Variants in EPHA6 observed in about 807,000 individuals in gnomAD.
EPHA6 encodes the protein ephrin type-A receptor 6.
Under a neutral mutation model 112.0 loss-of-function variants are expected in EPHA6, and 50 were observed. The ratio of observed to expected loss-of-function variants is 0.45; its 90% CI spans 0.36 to 0.56. EPHA6 has a LOEUF of 0.56. EPHA6 is among the 20% of genes least tolerant of loss of function. EPHA6 has a pLI of 0.00. For missense variants in EPHA6, 1,280 were observed against 1,417.4 expected, an observed-to-expected ratio of 0.90 and a Z score of 1.56; for synonymous variants, 529 against 490.7, an observed-to-expected ratio of 1.08 and a Z score of -1.03.
chr3:97,576,845 T>C (rs1473989555), intron 11 of EPHA6, among the ~76,000 whole-genome samples: 1 of 151,954 alleles, frequency 6.6e-6, no homozygotes, highest in Non-Finnish European at 1.5e-5. Flanking sequence ...CACTCATCAG[T>C]TTTTAAGTGT....
chr3:97,042,339 T>C (rs925761378), intron 3 of EPHA6, among the ~76,000 whole-genome samples: 1 of 152,094 alleles, frequency 6.6e-6, no homozygotes, highest in Non-Finnish European at 1.5e-5. Flanking sequence ...TCCACTATGA[T>C]TTTAAGCTTC....
At chr3:96,902,482 G>A (rs771533683) in intron 2 of EPHA6, among the ~76,000 whole-genome samples, 2 of 152,094 alleles carry the variant, frequency 1.3e-5, no homozygotes, top group Non-Finnish European at 2.9e-5. Context: ...TGGCCACTTC[G>A]GCTCTTCAAA....
At chr3:97,124,141 T>A in intron 3 of EPHA6, among the ~76,000 whole-genome samples, 1 of 152,110 alleles carries the variant, frequency 6.6e-6, no homozygotes, top group South Asian at 2.1e-4. Flanking sequence ...GTAACTTATA[T>A]TCATGTGAAA....
intron 14 of EPHA6, among the ~76,000 whole-genome samples, chr3:97,643,444 T>C (rs1248452167): frequency 8.6e-5 from 13 of 151,776 alleles, no homozygotes; most frequent in Admixed American, 8.5e-4. Flanking sequence ...CATAACAATA[T>C]TAACTTTAAA....
intron 3 of EPHA6, among the ~76,000 whole-genome samples, chr3:97,182,665 T>C (rs867437303): frequency 3.3e-5 from 5 of 152,140 alleles, no homozygotes; most frequent in African/African-American, 7.2e-5. Flanking sequence ...GATGAGTTTG[T>C]GCAGACTAAA....
chr3:97,352,984 G>A (rs946105456), intron 5 of EPHA6, among the ~76,000 whole-genome samples: 3 of 152,074 alleles, frequency 2.0e-5, no homozygotes, highest in African/African-American at 4.8e-5. Flanking sequence ...TAGGGCACCA[G>A]GCAGAGTTCT....
At chr3:97,234,481 T>C (rs75610565) in intron 4 of EPHA6, among the ~76,000 whole-genome samples, 1 of 152,158 alleles carries the variant, frequency 6.6e-6, no homozygotes, top group Non-Finnish European at 1.5e-5. Context: ...TTTTACTACT[T>C]CTAGTAAACT....
At chr3:96,873,567 A>G (rs1470804442) in intron 2 of EPHA6, among the ~76,000 whole-genome samples, 2 of 152,082 alleles carry the variant, frequency 1.3e-5, no homozygotes, top group Non-Finnish European at 2.9e-5. Context: ...GTCCTGAAAT[A>G]TTTACTTTCT....
Position 97,559,742 on chromosome 3 carries a change from C to G in EPHA6, c.2386+27199C>G, listed in dbSNP as rs1305439076. ...CTTATTTTTTGCATGGATAGACTTG[C>G]TTGTGCAAATCCATTAATGCACCCT... On this transcript the variant is annotated intron_variant, in intron 11 of 17. Transcript: ENST00000389672. 7.3e-6 allele frequency: 3 copies of G among 409,080 alleles called. No homozygotes were observed. In the Middle Eastern group the frequency reaches 1.1e-3, roughly 147 times the overall value. The allele number at this position is 409,080 out of a possible 1,614,324, so 25.3% of individuals were successfully genotyped here.
chr3:97,267,237 T>G (rs763109154), intron 5 of EPHA6, among the ~76,000 whole-genome samples: 1 of 152,114 alleles, frequency 6.6e-6, no homozygotes. Flanking sequence ...TTATTTCTCT[T>G]ATTATTTTTT....
intron 3 of EPHA6, among the ~76,000 whole-genome samples, chr3:97,123,286 A>G (rs2048092971): frequency 6.6e-6 from 1 of 152,120 alleles, no homozygotes. Flanking sequence ...CTGCCACAAT[A>G]TATTTCCATG....
intron 15 of EPHA6, among the ~76,000 whole-genome samples, chr3:97,730,680 C>T (rs2034996234): frequency 6.6e-6 from 1 of 152,088 alleles, no homozygotes; most frequent in Non-Finnish European, 1.5e-5. Flanking sequence ...TAAATCAAAA[C>T]TTTCCACAAA....
At chr3:97,403,805 C>T (rs1458601483) in intron 5 of EPHA6, among the ~76,000 whole-genome samples, 2 of 152,138 alleles carry the variant, frequency 1.3e-5, no homozygotes, top group African/African-American at 2.4e-5. Flanking sequence ...ATTTGCAAGG[C>T]AAAATATATT....
At chr3:97,041,974 A>T (rs958395728) in intron 3 of EPHA6, among the ~76,000 whole-genome samples, 4 of 152,130 alleles carry the variant, frequency 2.6e-5, no homozygotes, top group African/African-American at 9.7e-5. Flanking sequence ...AAACCATGTC[A>T]GTACCTGATA....
intron 5 of EPHA6, among the ~76,000 whole-genome samples, chr3:97,401,567 CTCTTTT>C (rs761090179): frequency 4.6e-5 from 7 of 151,466 alleles, no homozygotes; most frequent in Non-Finnish European, 1.0e-4. Context: ...GGTGTTCTTT[CTCTTTT>C]TCTTAGTCTA....
chr3:97,411,833 CG>C (rs1335866648), intron 6 of EPHA6, among the ~76,000 whole-genome samples: 1 of 151,960 alleles, frequency 6.6e-6, no homozygotes, highest in Non-Finnish European at 1.5e-5. Flanking sequence ...GACAGTTGCA[CG>C]GAAGTGTGAT....
At chr3:97,628,994 G>A (rs114311869) in intron 13 of EPHA6, among the ~76,000 whole-genome samples, 83 of 152,020 alleles carry the variant, frequency 5.5e-4, no homozygotes, top group African/African-American at 1.9e-3. Flanking sequence ...GTGTAGTGGC[G>A]TGATTATAGT....
chr3:97,010,288 A>C (rs999714260), intron 3 of EPHA6, among the ~76,000 whole-genome samples: 1 of 152,068 alleles, frequency 6.6e-6, no homozygotes, highest in Middle Eastern at 3.4e-3. Context: ...CTGATTGCCA[A>C]CCCCAACCCA....
At chr3:97,491,202 C>G (rs1436550238) in intron 10 of EPHA6, among the ~76,000 whole-genome samples, 1 of 152,154 alleles carries the variant, frequency 6.6e-6, no homozygotes, top group African/African-American at 2.4e-5. Flanking sequence ...ACAGGAATAC[C>G]AGGATGCAGG....
Sources: allele counts gnomAD v4.1 joint callset (sites outside exome capture counted in the v4.1 genomes callset), GRCh38; gene constraint gnomAD v4.1.1; transcripts MANE v1.5; gene names NCBI Gene and HGNC (gene_info 2026-07-23, HGNC 2026-07-21).